The following FAM227A variants were observed in gnomAD, a reference collection of about 807,000 sequenced individuals.
The protein encoded by FAM227A is family with sequence similarity 227 member A.
A neutral mutation model predicts 74.7 loss-of-function variants in FAM227A; 80 were observed. That is an observed-to-expected ratio of 1.07 (90% CI 0.89 to 1.29). The LOEUF (loss-of-function observed/expected upper bound fraction) is 1.29. Among genes scored for constraint, FAM227A ranks in the 50% most tolerant of loss-of-function variants. The pLI, the probability that FAM227A is intolerant of heterozygous loss-of-function variation, is 0.00. For missense variants in FAM227A, 654 were observed against 683.4 expected, an observed-to-expected ratio of 0.96 and a Z score of 0.48; for synonymous variants, 237 against 241.8, an observed-to-expected ratio of 0.98 and a Z score of 0.19.
In FAM227A at chr22:38,583,010, G is replaced by A; in HGVS notation, c.*3115C>T. On this transcript the variant is annotated 3_prime_UTR_variant, in exon 17 of 17. Coordinates refer to ENST00000535113, the MANE Select transcript of FAM227A (RefSeq NM_001013647.2). ...GGTCCAGAAGCAGCAACAGACAAAAGATCCAGAAATAGGAAAGTGTGGTTC... is the reference window on the plus strand; with the variant it reads ...GGTCCAGAAGCAGCAACAGACAAAAAATCCAGAAATAGGAAAGTGTGGTTC... 2.6e-6 allele frequency: 4 copies of A among 1,525,742 alleles called. No homozygotes were observed. The highest frequency in any genetic ancestry group is 3.6e-6 in the Non-Finnish European group (4 of 1,126,336). The allele number at this position is 1,525,742 out of a possible 1,614,324, so 94.5% of individuals were successfully genotyped here.
Position 38,638,623 on chromosome 22 carries a change from C to T in FAM227A, c.372+123G>A, listed in dbSNP as rs2092051177. On this transcript the variant is annotated intron_variant, in intron 5 of 16. Transcript: ENST00000535113. Reference sequence around the variant, plus strand: ...TTATGAGAAATTCTAGATTCAGGAGCTCTGCGATTTTTCCTTCATAATCAC... The same window carrying T: ...TTATGAGAAATTCTAGATTCAGGAGTTCTGCGATTTTTCCTTCATAATCAC... 8 of 721,914 alleles carry T rather than the reference C, an allele frequency of 1.1e-5. 1 individual carries two copies. The South Asian group carries it at 1.3e-4, about 12-fold the overall frequency. The allele number at this position is 721,914 out of a possible 1,614,324, so 44.7% of individuals were successfully genotyped here.
intron 2 of FAM227A, among the ~76,000 whole-genome samples, chr22:38,646,554 G>A (rs1336855209): frequency 3.3e-5 from 5 of 151,776 alleles, no homozygotes; most frequent in Admixed American, 6.6e-5. Context: ...GAGCCACCGC[G>A]CCCGGCCCAG....
Position 38,605,261 on chromosome 22 carries a change from G to A in FAM227A, c.1214C>T (p.Pro405Leu). 1 of 1,540,944 alleles carries A rather than the reference G, an allele frequency of 6.5e-7. No individual in the cohort carries two copies. Among genetic ancestry groups the A allele is most frequent in the Non-Finnish European group, 8.8e-7 (1 of 1,137,090 alleles). ...SEARECENMF[P>L]KKSCAACKSP... ...TTCCAATCATGTGCTCACCTTTTTA[G>A]GAAACATATTCTCACATTCTCTTGC... is the stretch of plus-strand genomic sequence containing the variant. Residue 405 changes from proline (P) to leucine (L), a missense_variant, in exon 13 of 17, where the codon CCT becomes CTT. By Grantham distance (98) the Pro-to-Leu change is moderately conservative (BLOSUM62 -3). Transcript: ENST00000535113.
chr22:38,631,556 A>G (rs1386421478), intron 6 of FAM227A, among the ~76,000 whole-genome samples: 1 of 152,168 alleles, frequency 6.6e-6, no homozygotes, highest in Non-Finnish European at 1.5e-5. Context: ...ATGTAAGAAA[A>G]TAACTGCATG....
chr22:38,607,946 T>A (rs2146263891), intron 11 of FAM227A, among the ~76,000 whole-genome samples: 1 of 152,270 alleles, frequency 6.6e-6, no homozygotes, highest in Admixed American at 6.5e-5. Flanking sequence ...ACTGAGCCCC[T>A]GGCTTGAGGA....
intron 11 of FAM227A, among the ~76,000 whole-genome samples, chr22:38,616,628 T>C (rs2091582386): frequency 1.3e-5 from 2 of 150,384 alleles, no homozygotes; most frequent in East Asian, 2.0e-4. Flanking sequence ...ATCATGCCAT[T>C]GCACTCCAGC....
chr22:38,607,622 A>T (rs2091313348), intron 11 of FAM227A, 146 bp from the exon 12 acceptor site: 3 of 655,018 alleles, frequency 4.6e-6, no homozygotes, highest in Non-Finnish European at 8.0e-6. Context: ...ATGCAGAACG[A>T]GACCTTTCAG....
At chr22:38,601,864 G>A (rs886855481) in intron 13 of FAM227A, among the ~76,000 whole-genome samples, 2 of 152,100 alleles carry the variant, frequency 1.3e-5, no homozygotes, top group African/African-American at 2.4e-5. Flanking sequence ...ACAGGCTGGG[G>A]CGGTGGGAAA....
At chr22:38,622,589 G>C (rs1423893095) in intron 10 of FAM227A, among the ~76,000 whole-genome samples, 1 of 152,060 alleles carries the variant, frequency 6.6e-6, no homozygotes, top group Non-Finnish European at 1.5e-5. Flanking sequence ...TAAATAAAAT[G>C]GGCTGGCCAG....
At chr22:38,634,421 C>CT (rs1177049770) in intron 6 of FAM227A, among the ~76,000 whole-genome samples, 2 of 152,132 alleles carry the variant, frequency 1.3e-5, no homozygotes, top group Non-Finnish European at 2.9e-5. Flanking sequence ...GACCATTAAA[C>CT]TGTTTCTAAT....
chr22:38,628,721 G>C, intron 7 of FAM227A, 113 bp downstream of exon 7: 1 of 714,822 alleles, frequency 1.4e-6, no homozygotes, highest in South Asian at 1.6e-5. Context: ...AGGGGAGGCT[G>C]TGGGGTGCTC....
At chr22:38,621,512 G>A (rs979430279) in intron 10 of FAM227A, among the ~76,000 whole-genome samples, 4 of 151,862 alleles carry the variant, frequency 2.6e-5, no homozygotes, top group African/African-American at 9.7e-5. Context: ...GGCTGAGGCA[G>A]GAGAATCGCT....
In FAM227A at chr22:38,636,471, T is replaced by C; in HGVS notation, c.499A>G (p.Arg167Gly). ...CTCACCTTGCCACTAAGGCAGTCTC[T>C]CTCAGCCCGGACCACGTTGCCCACC... ...DMVGNVVRAE[R>G]DCLSGKHFCS... is the part of the protein sequence containing the mutation. Residue 167 changes from arginine to glycine, a missense_variant, in exon 6 of 17, where the codon AGA becomes GGA. Arg to Gly is a moderately radical substitution (Grantham distance 125, BLOSUM62 -2). Transcript: ENST00000535113. 6.4e-7 allele frequency: 1 copy of C among 1,551,424 alleles called. No individual in the cohort carries two copies.
intron 10 of FAM227A, among the ~76,000 whole-genome samples, chr22:38,620,603 A>C (rs933589706): frequency 5.3e-5 from 8 of 151,998 alleles, no homozygotes; most frequent in Non-Finnish European, 1.5e-5. Context: ...GGAGATCGAG[A>C]CCATCCTGGC....
At chr22:38,620,405 G>C in intron 10 of FAM227A, 114 bp from the exon 11 acceptor site, 1 of 768,466 alleles carries the variant, frequency 1.3e-6, no homozygotes, top group Non-Finnish European at 2.2e-6. Flanking sequence ...ACCAGATCTA[G>C]GGTCTCTCTG....
At chr22:38,597,086 T>C in intron 15 of FAM227A, 118 bp downstream of exon 15, 1 of 875,482 alleles carries the variant, frequency 1.1e-6, no homozygotes. Context: ...AAGCTGATTA[T>C]GCTTATGATG....
At chr22:38,586,706 G>A (rs2090816718) in intron 16 of FAM227A, among the ~76,000 whole-genome samples, 1 of 152,034 alleles carries the variant, frequency 6.6e-6, no homozygotes, top group Non-Finnish European at 1.5e-5. Flanking sequence ...GTATCGCTCT[G>A]TTGCCAGGCT....
At chr22:38,598,056 A>AAAAAAG (rs1267062728) in intron 14 of FAM227A, among the ~76,000 whole-genome samples, 5 of 151,724 alleles carry the variant, frequency 3.3e-5, no homozygotes, top group South Asian at 4.2e-4. Flanking sequence ...AAAAAAAAAA[A>AAAAAAG]AAAAGAAAAT....
chr22:38,584,694 G>C lies in FAM227A; in HGVS notation c.*1431C>G, dbSNP rs1394473409. ...GAGGTGGGAGGATTGCTTCAGCCCAGGAATTTGAGGTTGCAGTGAGCTATG... is the reference window on the plus strand; with the variant it reads ...GAGGTGGGAGGATTGCTTCAGCCCACGAATTTGAGGTTGCAGTGAGCTATG... On this transcript the variant is annotated 3_prime_UTR_variant, in exon 17 of 17. Transcript: ENST00000535113. The C allele has an allele frequency of 6.6e-6, 1 of 152,164 alleles. No homozygotes were observed. Among genetic ancestry groups the C allele is most frequent in the Non-Finnish European group, 1.5e-5 (1 of 68,068 alleles). The allele number at this position is 152,164 out of a possible 1,614,324, so 9.4% of individuals were successfully genotyped here. A position where few individuals can be genotyped will look rare whatever the true frequency, so the allele number is the denominator to read the frequency against.
Sources: gnomAD v4.1 joint callset for allele counts (sites outside exome capture counted in the v4.1 genomes callset) on GRCh38, gnomAD v4.1.1 for gene constraint, MANE v1.5 for transcripts, NCBI Gene and HGNC (gene_info 2026-07-23, HGNC 2026-07-21) for gene names.